The following TANC2 variants were observed in gnomAD, a reference collection of about 807,000 sequenced individuals.
TANC2 encodes the protein protein TANC2.
A neutral mutation model predicts 210.5 loss-of-function variants in TANC2; 26 were observed. The observed-to-expected ratio is 0.12, with a 90% CI of 0.09 to 0.17. The LOEUF (loss-of-function observed/expected upper bound fraction) is 0.17. Among genes scored for constraint, TANC2 ranks in the 10% least tolerant of loss-of-function variants. The probability of loss-of-function intolerance (pLI) is 1.00; values close to 1 mark genes in which losing one functional copy is unlikely to be tolerated. For missense variants in TANC2, 2,129 were observed against 2,608.9 expected (o/e 0.82, Z 4.01); for synonymous variants, 931 against 967.1 (o/e 0.96, Z 0.69).
At chr17:63,144,933 A>C (rs1268407965) in intron 4 of TANC2, among the ~76,000 whole-genome samples, 1 of 151,944 alleles carries the variant, frequency 6.6e-6, no homozygotes, top group Non-Finnish European at 1.5e-5. Flanking sequence ...TTAACAGGGA[A>C]TATGAATTAT....
At chr17:63,275,111 G>C (rs1400727529) in intron 9 of TANC2, among the ~76,000 whole-genome samples, 2 of 152,136 alleles carry the variant, frequency 1.3e-5, no homozygotes, top group Non-Finnish European at 1.5e-5. Flanking sequence ...TGGTAGCTAC[G>C]TGGGTTAAAT....
chr17:63,340,350 A>T lies in TANC2; in HGVS notation c.1807+18A>T, dbSNP rs760266568. The T allele has an allele frequency of 7.5e-6, 12 of 1,604,858 alleles. No homozygotes were observed. The highest frequency in any genetic ancestry group is 1.0e-5 in the Non-Finnish European group (12 of 1,173,058). On this transcript the variant is annotated intron_variant, in intron 12 of 27. Coordinates refer to ENST00000689528, the Ensembl canonical transcript of TANC2. ...CCATAAAGGTACAGATAAGGCCCAA[A>T]GGAGGGGAAAGATGGAGGTTTAGAG... is the stretch of plus-strand genomic sequence containing the variant.
chr17:63,094,031 G>T (rs1336940237), intron 3 of TANC2, among the ~76,000 whole-genome samples: 1 of 152,078 alleles, frequency 6.6e-6, no homozygotes, highest in Non-Finnish European at 1.5e-5. Context: ...TTATTGTAAT[G>T]ATATTGGTTA....
At chr17:63,332,611 A>T in intron 11 of TANC2, 1 of 219,072 alleles carries the variant, frequency 4.6e-6, no homozygotes. Context: ...GAAGTGACAT[A>T]CAGCTTGTCT....
chr17:63,310,851 TG>T (rs1269736039), intron 9 of TANC2, among the ~76,000 whole-genome samples: 1 of 152,242 alleles, frequency 6.6e-6, no homozygotes, highest in Non-Finnish European at 1.5e-5. Flanking sequence ...ATAATCTTTC[TG>T]GAGAGCAATT....
intron 11 of TANC2, among the ~76,000 whole-genome samples, chr17:63,329,665 A>T (rs901495873): frequency 7.9e-5 from 12 of 152,166 alleles, no homozygotes; most frequent in African/African-American, 2.9e-4. Context: ...GTAGTCTTTG[A>T]TGTTACCATT....
At chr17:63,059,810 T>C (rs1272894870) in intron 2 of TANC2, among the ~76,000 whole-genome samples, 2 of 152,188 alleles carry the variant, frequency 1.3e-5, no homozygotes, top group African/African-American at 4.8e-5. Flanking sequence ...CTATTGGGGA[T>C]GTCAGATGTT....
chr17:63,126,358 T>C (rs545049579), intron 4 of TANC2, among the ~76,000 whole-genome samples: 1 of 152,294 alleles, frequency 6.6e-6, no homozygotes, highest in East Asian at 1.9e-4. Context: ...AACACTATTA[T>C]GATGTTAAGA....
intron 8 of TANC2, among the ~76,000 whole-genome samples, chr17:63,242,441 C>T (rs1240927572): frequency 1.3e-5 from 2 of 151,648 alleles, no homozygotes; most frequent in East Asian, 3.9e-4. Flanking sequence ...ATCATATATA[C>T]CTATACATGA....
chr17:63,139,986 C>T (rs189422327), intron 4 of TANC2, among the ~76,000 whole-genome samples: 138 of 152,286 alleles, frequency 9.1e-4, no homozygotes, highest in Non-Finnish European at 1.7e-3. Context: ...ATTTTTGCCC[C>T]ACCTGATTAT....
chr17:63,196,363 G>A (rs1598583660), intron 6 of TANC2, among the ~76,000 whole-genome samples: 1 of 152,172 alleles, frequency 6.6e-6, no homozygotes, highest in Non-Finnish European at 1.5e-5. Flanking sequence ...TTCATGTCAA[G>A]TTAAAATGTG....
intron 12 of TANC2, among the ~76,000 whole-genome samples, chr17:63,344,342 A>G (rs1201861507): frequency 6.6e-6 from 1 of 152,184 alleles, no homozygotes; most frequent in Non-Finnish European, 1.5e-5. Context: ...ACAAACTAGG[A>G]GTAGAAGGAA....
intron 1 of TANC2, among the ~76,000 whole-genome samples, chr17:62,982,522 C>G (rs2032355762): frequency 6.6e-6 from 1 of 152,112 alleles, no homozygotes; most frequent in South Asian, 2.1e-4. Flanking sequence ...CCATTCACTC[C>G]CATAGTCATA....
intron 2 of TANC2, among the ~76,000 whole-genome samples, chr17:63,012,017 C>CT (rs559717868): frequency 0.029 from 3,938 of 134,520 alleles, 85 homozygotes; most frequent in South Asian, 0.038. Context: ...TTGATCAAAA[C>CT]TTTTTTTTTT....
chr17:63,280,832 T>C (rs1183656669), intron 9 of TANC2, among the ~76,000 whole-genome samples: 1 of 152,126 alleles, frequency 6.6e-6, no homozygotes, highest in African/African-American at 2.4e-5. Flanking sequence ...TATAAATAGG[T>C]AGCTATACTG....
At chr17:63,255,408 T>A (rs960759954) in intron 8 of TANC2, among the ~76,000 whole-genome samples, 1 of 152,152 alleles carries the variant, frequency 6.6e-6, no homozygotes, top group Non-Finnish European at 1.5e-5. Context: ...AGTTCTTTTT[T>A]AAATGTTTGG....
chr17:63,274,803 C>T (rs999550942), intron 9 of TANC2, among the ~76,000 whole-genome samples: 1 of 151,968 alleles, frequency 6.6e-6, no homozygotes, highest in African/African-American at 2.4e-5. Context: ...GGGCAACAGT[C>T]TCAAAAAAAT....
intron 9 of TANC2, among the ~76,000 whole-genome samples, chr17:63,274,568 C>T (rs958309849): frequency 6.6e-6 from 1 of 152,190 alleles, no homozygotes; most frequent in East Asian, 1.9e-4. Context: ...AATCCCAGCA[C>T]TTTGGGAGGC....
At chr17:62,985,840 T>G (rs1443173275) in intron 1 of TANC2, among the ~76,000 whole-genome samples, 12 of 152,232 alleles carry the variant, frequency 7.9e-5, no homozygotes, top group Admixed American at 7.9e-4. Flanking sequence ...TTATTATTTT[T>G]GACATTTTGT....
Sources: allele counts gnomAD v4.1 joint callset (sites outside exome capture counted in the v4.1 genomes callset), GRCh38; gene constraint gnomAD v4.1.1; transcripts MANE v1.5; gene names NCBI Gene and HGNC (gene_info 2026-07-23, HGNC 2026-07-21).